CNRIP1: variants seen among roughly 807,000 people sequenced by gnomAD.
CNRIP1 encodes the protein CB1 cannabinoid receptor-interacting protein 1.
In CNRIP1, 10 loss-of-function variants were observed where a neutral mutation model predicts 15.2. That is an observed-to-expected ratio of 0.66 (90% CI 0.41 to 1.12). CNRIP1 has a LOEUF of 1.12. Among genes scored for constraint, CNRIP1 ranks in the 50% most tolerant of loss-of-function variants. The pLI is 0.00. For synonymous variants in CNRIP1, 91 were observed against 83.2 expected (o/e 1.09, Z -0.51); for missense variants, 211 against 214.7 (o/e 0.98, Z 0.11).
intron 2 of CNRIP1, among the ~76,000 whole-genome samples, chr2:68,314,721 A>G (rs1166661287): frequency 6.6e-6 from 1 of 152,112 alleles, no homozygotes; most frequent in Non-Finnish European, 1.5e-5. Context: ...AGATCAATGG[A>G]ATAGATTAGG....
intron 2 of CNRIP1, among the ~76,000 whole-genome samples, chr2:68,298,846 A>G (rs1443882992): frequency 1.3e-5 from 2 of 152,188 alleles, no homozygotes; most frequent in African/African-American, 4.8e-5. Context: ...GGGTCTTGAA[A>G]GCTGACATTC....
At chr2:68,318,683 G>A (rs1672370666) in intron 1 of CNRIP1, among the ~76,000 whole-genome samples, 1 of 152,202 alleles carries the variant, frequency 6.6e-6, no homozygotes, top group African/African-American at 2.4e-5. Flanking sequence ...CTCCACCCCA[G>A]GGTCCCAGCC....
intron 2 of CNRIP1, among the ~76,000 whole-genome samples, chr2:68,287,184 C>A (rs1370917627): frequency 1.3e-5 from 2 of 152,046 alleles, no homozygotes; most frequent in Non-Finnish European, 2.9e-5. Context: ...TTACTTTTTT[C>A]TTTTTGGAGA....
At chr2:68,305,688 C>G (rs1036799428) in intron 2 of CNRIP1, among the ~76,000 whole-genome samples, 4 of 149,170 alleles carry the variant, frequency 2.7e-5, no homozygotes, top group African/African-American at 9.9e-5. Flanking sequence ...CCCATCTACT[C>G]GGGAGGCTGA....
chr2:68,284,858 G>C (rs1670991686), intron 2 of CNRIP1, among the ~76,000 whole-genome samples: 1 of 151,390 alleles, frequency 6.6e-6, no homozygotes, highest in South Asian at 2.1e-4. Context: ...AGCGAATTCT[G>C]TGAAGACTAT....
At chr2:68,309,771 C>G (rs1324941163) in intron 2 of CNRIP1, among the ~76,000 whole-genome samples, 1 of 152,154 alleles carries the variant, frequency 6.6e-6, no homozygotes, top group Admixed American at 6.5e-5. Flanking sequence ...AAGAGATCTG[C>G]AGAAGGAATA....
At chr2:68,312,679 G>C (rs917797058) in intron 2 of CNRIP1, among the ~76,000 whole-genome samples, 2 of 152,080 alleles carry the variant, frequency 1.3e-5, no homozygotes, top group Admixed American at 6.6e-5. Context: ...CAGATGACAT[G>C]ATAGCATATT....
rs775374879 is a variant in CNRIP1 at position 68,319,325 on chromosome 2, T to A, written c.76A>T (p.Lys26Ter). Residue 26 changes from lysine (K) to a stop codon, truncating the protein, a stop_gained, in exon 1 of 3, where the codon AAG becomes TAG. Coordinates refer to ENST00000263655, the MANE Select transcript of CNRIP1 (RefSeq NM_015463.3). LOFTEE classifies it high-confidence loss of function. ...TGGCCGAAGCGCTGCCCGTCCACCT[T>A]GTAAAAGACCGGGCCGTCATTAGGC... The part of the protein sequence containing the change: ...IQPNDGPVFY[K>*]VDGQRFGQNR... 1 of 1,566,590 alleles carries A rather than the reference T, an allele frequency of 6.4e-7. No homozygotes were observed. The highest frequency in any genetic ancestry group is 2.3e-5 in the East Asian group (1 of 42,588).
chr2:68,309,425 A>G (rs1671992412), intron 2 of CNRIP1, among the ~76,000 whole-genome samples: 2 of 152,200 alleles, frequency 1.3e-5, no homozygotes, highest in Non-Finnish European at 2.9e-5. Context: ...CAGACTTTCA[A>G]GTAACAGTTA....
chr2:68,319,693 C>T lies in CNRIP1; in HGVS notation c.-293G>A. 2 of 366,954 alleles carry T rather than the reference C, an allele frequency of 5.5e-6. No homozygotes were observed. Among genetic ancestry groups the T allele is most frequent in the East Asian group, 1.1e-4 (2 of 18,536 alleles). 22.7% of individuals were successfully genotyped at this position (366,954 alleles called of 1,614,324 possible). On this transcript the variant is annotated 5_prime_UTR_variant, in exon 1 of 3. Transcript: ENST00000263655. ...CTCCAGTGCTGCGCCCTCCACGCAC[C>T]CGAAGGCTCGCTCTGGCCCGCAGGC...
chr2:68,305,865 A>G (rs1671823008), intron 2 of CNRIP1, among the ~76,000 whole-genome samples: 1 of 150,962 alleles, frequency 6.6e-6, no homozygotes, highest in Admixed American at 6.6e-5. Flanking sequence ...ACGGTAGCTC[A>G]TGCCTGTCAT....
intron 1 of CNRIP1, among the ~76,000 whole-genome samples, chr2:68,318,112 AC>A (rs1195406738): frequency 3.3e-5 from 5 of 152,016 alleles, no homozygotes; most frequent in African/African-American, 1.2e-4. Context: ...GGTGCACAGA[AC>A]ACTGGGAAAT....
intron 2 of CNRIP1, among the ~76,000 whole-genome samples, chr2:68,298,778 T>C (rs1671485088): frequency 1.3e-5 from 2 of 152,168 alleles, no homozygotes; most frequent in African/African-American, 4.8e-5. Context: ...GGAGCTCTAT[T>C]TCCTGGGCCT....
At chr2:68,305,783 A>C (rs1490388238) in intron 2 of CNRIP1, among the ~76,000 whole-genome samples, 1 of 137,978 alleles carries the variant, frequency 7.2e-6, no homozygotes, top group Non-Finnish European at 1.6e-5. Flanking sequence ...GCGTCAGAGA[A>C]AGACTCTTCC....
At chr2:68,297,359 A>C (rs6546370) in intron 2 of CNRIP1, among the ~76,000 whole-genome samples, 1 of 151,892 alleles carries the variant, frequency 6.6e-6, no homozygotes, top group Non-Finnish European at 1.5e-5. Context: ...TTGAACCCAG[A>C]AGTTTAAGAC....
At chr2:68,285,855 A>G (rs1671019416) in intron 2 of CNRIP1, among the ~76,000 whole-genome samples, 1 of 152,070 alleles carries the variant, frequency 6.6e-6, no homozygotes, top group South Asian at 2.1e-4. Flanking sequence ...CGCCCCAGAA[A>G]GCTCCCTCCT....
chr2:68,317,587 G>A (rs1672322165), intron 1 of CNRIP1, among the ~76,000 whole-genome samples: 1 of 152,160 alleles, frequency 6.6e-6, no homozygotes, highest in African/African-American at 2.4e-5. Flanking sequence ...TTAATATGCA[G>A]GTAGGATTGA....
At chr2:68,297,703 T>C (rs1671431433) in intron 2 of CNRIP1, among the ~76,000 whole-genome samples, 1 of 152,128 alleles carries the variant, frequency 6.6e-6, no homozygotes, top group Admixed American at 6.5e-5. Context: ...TAGTGACAAT[T>C]TCTGAGTGCC....
Position 68,293,867 on chromosome 2 carries a change from G to A in CNRIP1, c.490C>T (p.Leu164Phe). The change falls in exon 3 of 3, where the codon CTC (leucine) becomes TTC (phenylalanine). Residue 164 changes from leucine to phenylalanine, a missense_variant. Coordinates refer to ENST00000263655, the MANE Select transcript of CNRIP1 (RefSeq NM_015463.3). Reference protein sequence around the residue: ...SLMWVNKESFL With the variant: ...SLMWVNKESFF ...AGCATCAGAAAGAGCCACTTTCAGA[G>A]GAAGGACTCCTTGTTCACCCACATC... is the stretch of plus-strand genomic sequence containing the variant. The A allele has an allele frequency of 6.2e-6, 10 of 1,613,140 alleles. No individual in the cohort carries two copies. The highest frequency in any genetic ancestry group is 8.5e-6 in the Non-Finnish European group (10 of 1,179,274).
Sources: gnomAD v4.1 joint callset for allele counts (sites outside exome capture counted in the v4.1 genomes callset) on GRCh38, gnomAD v4.1.1 for gene constraint, MANE v1.5 for transcripts, NCBI Gene and HGNC (gene_info 2026-07-23, HGNC 2026-07-21) for gene names.